Variants in ITGA9 observed in about 807,000 individuals in gnomAD.
The protein encoded by ITGA9 is integrin alpha-9.
A neutral mutation model predicts 127.8 loss-of-function variants in ITGA9; 56 were observed. That is an observed-to-expected ratio of 0.44 (90% CI 0.35 to 0.55). The LOEUF is 0.55. Ranked by LOEUF, ITGA9 falls within the 20% of genes least tolerant of loss-of-function variation. The pLI, the probability that ITGA9 is intolerant of heterozygous loss-of-function variation, is 0.00. For missense variants in ITGA9, 1,196 were observed against 1,347.1 expected, an observed-to-expected ratio of 0.89 and a Z score of 1.76; for synonymous variants, 508 against 514.5, an observed-to-expected ratio of 0.99 and a Z score of 0.17.
At position 37,747,483 on chromosome 3, in the gene ITGA9, T is replaced by A. The variant is rs1696515481; in HGVS notation, c.2434-2979T>A. Among the ~76,000 whole-genome samples, 3 of 152,104 alleles carry A rather than the reference T, an allele frequency of 2.0e-5. No individual in the cohort carries two copies. In the South Asian group the frequency reaches 6.2e-4, roughly 32 times the overall value. On this transcript the variant is annotated intron_variant, in intron 22 of 27. Transcript: ENST00000264741. ...CCCTATTGTGCTATCAATTGCTAGG[T>A]CTTATTCTTTCAATTTTTTTAATCC... is the stretch of plus-strand genomic sequence containing the variant.
chr3:37,802,825 G>C (rs9827580), intron 26 of ITGA9, among the ~76,000 whole-genome samples: 1 of 152,164 alleles, frequency 6.6e-6, no homozygotes, highest in East Asian at 1.9e-4. Flanking sequence ...CACTAGGTAC[G>C]GAGTTAGGAA....
At chr3:37,777,354 G>C in intron 23 of ITGA9, 38 bp from the exon 24 acceptor site, 1 of 1,611,508 alleles carries the variant, frequency 6.2e-7, no homozygotes, top group Non-Finnish European at 8.5e-7. Flanking sequence ...ATTCATTCTT[G>C]AGAATGACTC....
At chr3:37,712,351 G>A (rs548740380) in intron 18 of ITGA9, among the ~76,000 whole-genome samples, 321 of 31,962 alleles carry the variant, frequency 0.01, 1 homozygote, top group African/African-American at 0.045. Flanking sequence ...GTGGCTGGTT[G>A]TCCTTCCCAC....
chr3:37,659,998 A>ACACACG (rs1393875530), intron 17 of ITGA9, among the ~76,000 whole-genome samples: 1 of 151,420 alleles, frequency 6.6e-6, no homozygotes, highest in East Asian at 1.9e-4. Context: ...ACACACACAC[A>ACACACG]CACACGCACA....
intron 27 of ITGA9, among the ~76,000 whole-genome samples, chr3:37,809,476 G>A (rs575349412): frequency 3.0e-4 from 46 of 152,228 alleles, no homozygotes; most frequent in African/African-American, 1.0e-3. Context: ...CTCCCATAGT[G>A]TCATAGATAA....
chr3:37,467,292 T>C (rs1379436781), intron 1 of ITGA9, among the ~76,000 whole-genome samples: 1 of 152,254 alleles, frequency 6.6e-6, no homozygotes, highest in Admixed American at 6.5e-5. Flanking sequence ...TCAGAAGTTT[T>C]GAACTGAAAG....
At chr3:37,816,946 C>T (rs900536232) in intron 27 of ITGA9, among the ~76,000 whole-genome samples, 14 of 152,214 alleles carry the variant, frequency 9.2e-5, no homozygotes, top group African/African-American at 3.1e-4. Flanking sequence ...TCCTTGGCAA[C>T]GTGGGTGAAG....
At chr3:37,692,752 A>G (rs1700845635) in intron 18 of ITGA9, among the ~76,000 whole-genome samples, 1 of 152,166 alleles carries the variant, frequency 6.6e-6, no homozygotes, top group Admixed American at 6.5e-5. Context: ...CATAATAGCG[A>G]AGTTTAGATA....
At chr3:37,803,374 C>T (rs182128316) in intron 26 of ITGA9, among the ~76,000 whole-genome samples, 14 of 152,328 alleles carry the variant, frequency 9.2e-5, no homozygotes, top group Non-Finnish European at 1.5e-4. Context: ...ACCAGAAAAT[C>T]GTTCAGCGGA....
At chr3:37,469,361 A>G (rs990132071) in intron 1 of ITGA9, among the ~76,000 whole-genome samples, 17 of 151,816 alleles carry the variant, frequency 1.1e-4, no homozygotes, top group African/African-American at 4.1e-4. Flanking sequence ...TTTTTTTCCT[A>G]TTTGCCCCTA....
chr3:37,680,945 T>C (rs1298146901), intron 17 of ITGA9, among the ~76,000 whole-genome samples: 1 of 152,222 alleles, frequency 6.6e-6, no homozygotes, highest in African/African-American at 2.4e-5. Context: ...ATTTTTCACA[T>C]CTTGTTTGGA....
chr3:37,607,270 C>T (rs1699977732), intron 15 of ITGA9, among the ~76,000 whole-genome samples: 1 of 151,968 alleles, frequency 6.6e-6, no homozygotes. Context: ...CTAATACATC[C>T]ATCATCCTAT....
At chr3:37,756,446 A>C (rs1262964461) in intron 23 of ITGA9, among the ~76,000 whole-genome samples, 1 of 152,214 alleles carries the variant, frequency 6.6e-6, no homozygotes, top group Non-Finnish European at 1.5e-5. Flanking sequence ...AGTAGGAGTA[A>C]AATAATGAGT....
At chr3:37,582,851 C>T (rs1274046696) in intron 15 of ITGA9, among the ~76,000 whole-genome samples, 1 of 152,226 alleles carries the variant, frequency 6.6e-6, no homozygotes, top group Non-Finnish European at 1.5e-5. Context: ...CTGGCCTAAG[C>T]AATCCTCAAG....
chr3:37,750,374 A>C, intron 22 of ITGA9, 88 bp from the exon 23 acceptor site: 1 of 863,136 alleles, frequency 1.2e-6, no homozygotes, highest in Non-Finnish European at 2.0e-6. Context: ...ATGTGATTTC[A>C]AAGAATCTTA....
At chr3:37,500,278 C>T (rs1188502761) in intron 5 of ITGA9, among the ~76,000 whole-genome samples, 1 of 152,214 alleles carries the variant, frequency 6.6e-6, no homozygotes, top group Non-Finnish European at 1.5e-5. Flanking sequence ...AGCGTCCTGA[C>T]TGCAGAAAGC....
intron 17 of ITGA9, among the ~76,000 whole-genome samples, chr3:37,675,097 A>G (rs1200639782): frequency 2.0e-5 from 3 of 152,198 alleles, no homozygotes; most frequent in Non-Finnish European, 4.4e-5. Context: ...TTTATGTGCT[A>G]TGCTGGTATG....
chr3:37,638,345 TTAAAA>T (rs775013488), intron 16 of ITGA9, among the ~76,000 whole-genome samples: 1 of 151,050 alleles, frequency 6.6e-6, no homozygotes, highest in Non-Finnish European at 1.5e-5. Flanking sequence ...TTGGTTGAAA[TTAAAA>T]TAAAAGAAAA....
chr3:37,785,272 C>T (rs1282569707), intron 26 of ITGA9, among the ~76,000 whole-genome samples, 194 bp downstream of exon 26: 1 of 152,194 alleles, frequency 6.6e-6, no homozygotes, highest in Admixed American at 6.5e-5. Context: ...CTTGTGATAG[C>T]ATTGTCCTTT....
Sources: gnomAD v4.1 joint callset for allele counts (sites outside exome capture counted in the v4.1 genomes callset) on GRCh38, gnomAD v4.1.1 for gene constraint, MANE v1.5 for transcripts, NCBI Gene and HGNC (gene_info 2026-07-23, HGNC 2026-07-21) for gene names.